Variants in ALG6 observed in about 807,000 individuals in gnomAD.
ALG6 encodes the protein dolichyl pyrophosphate Man9GlcNAc2 alpha-1,3-glucosyltransferase.
ALG6 carries 46 observed loss-of-function variants against 66.6 expected under a neutral mutation model. That is an observed-to-expected ratio of 0.69 (90% confidence interval 0.55 to 0.88). ALG6 has a LOEUF of 0.88. Ranked by LOEUF, ALG6 falls within the 40% of genes least tolerant of loss-of-function variation. ALG6 has a pLI of 0.00. For synonymous variants in ALG6, 185 were observed against 203.7 expected (o/e 0.91, Z 0.78); for missense variants, 505 against 586.8 (o/e 0.86, Z 1.44).
At chr1:63,421,966 T>C (rs1352626878) in intron 12 of ALG6, among the ~76,000 whole-genome samples, 1 of 148,792 alleles carries the variant, frequency 6.7e-6, no homozygotes, top group Non-Finnish European at 1.5e-5. Flanking sequence ...CGTGTATACC[T>C]ATGTAACAAA....
intron 2 of ALG6, among the ~76,000 whole-genome samples, chr1:63,374,576 C>T (rs1329358738): frequency 2.0e-5 from 3 of 151,636 alleles, no homozygotes; most frequent in Admixed American, 6.6e-5. Flanking sequence ...TGCAGTGAGC[C>T]GAGATCACGC....
chr1:63,402,374 A>G (rs372114298), intron 4 of ALG6, 31 bp downstream of exon 4: 88 of 1,458,356 alleles, frequency 6.0e-5, no homozygotes, highest in Non-Finnish European at 7.8e-5. Flanking sequence ...GTAACTCTAA[A>G]TTTTTATGCC....
chr1:63,390,509 G>T (rs770913319), intron 2 of ALG6, among the ~76,000 whole-genome samples: 88 of 152,104 alleles, frequency 5.8e-4, no homozygotes, highest in South Asian at 1.4e-3. Flanking sequence ...GCCTTAGCTG[G>T]TGTCTTACTA....
chr1:63,412,017 C>G lies in ALG6; in HGVS notation c.772C>G (p.Gln258Glu). 13 of 1,614,096 alleles carry G rather than the reference C, an allele frequency of 8.1e-6. No homozygotes were observed. Among genetic ancestry groups the G allele is most frequent in the Non-Finnish European group, 1.1e-5 (13 of 1,179,996 alleles). The change falls in exon 9 of 15, where the codon CAG becomes GAG. Residue 258 changes from glutamine (Q) to glutamate (E), a missense_variant. By Grantham distance (29) the Gln-to-Glu change is conservative. Coordinates refer to ENST00000263440, the MANE Select transcript of ALG6 (RefSeq NM_013339.4). ...PFFTEREQTLQVLRRLFPVDR... is the reference protein window; with the variant it reads ...PFFTEREQTLEVLRRLFPVDR... The stretch of plus-strand genomic sequence containing the variant: ...CTTTACAGAAAGGGAACAAACCCTG[C>G]AGGTTCTAAGAAGACTCTTCCCGGT...
Position 63,367,695 on chromosome 1 carries a change from C to A in ALG6, c.-208+8C>A, listed in dbSNP as rs950717650. 1.3e-5 allele frequency: 2 copies of A among 152,212 alleles called. No homozygotes were observed. Among genetic ancestry groups the A allele is most frequent in the Admixed American group, 1.3e-4 (2 of 15,286 alleles). The allele number at this position is 152,212 out of a possible 1,614,324, so 9.4% of individuals were successfully genotyped here. ...CGGCCGGCGGGCGGCGGGGTAAGAG[C>A]ATGGGATCCCGGAGGTTCCGGACCC... is the stretch of plus-strand genomic sequence containing the variant. On this transcript the variant is annotated splice_region_variant and intron_variant, in intron 1 of 14. Coordinates refer to ENST00000263440, the MANE Select transcript of ALG6 (RefSeq NM_013339.4).
intron 14 of ALG6, among the ~76,000 whole-genome samples, chr1:63,432,971 T>G (rs1644656049): frequency 6.6e-6 from 1 of 152,128 alleles, no homozygotes; most frequent in South Asian, 2.1e-4. Context: ...AGATGGAGTT[T>G]CACTCTTGTT....
At chr1:63,428,702 T>C (rs747925871) in intron 12 of ALG6, 31 bp from the exon 13 acceptor site, 53 of 1,403,558 alleles carry the variant, frequency 3.8e-5, no homozygotes, top group Non-Finnish European at 5.3e-5. Flanking sequence ...TATTCTGTAA[T>C]ATTAAAATAT....
At chr1:63,422,203 GAATATAAATATATATTTATATA>G (rs1557594860) in intron 12 of ALG6, among the ~76,000 whole-genome samples, 2 of 101,740 alleles carry the variant, frequency 2.0e-5, no homozygotes, top group Non-Finnish European at 3.8e-5. Flanking sequence ...ATATCTATAT[GAATATAAATATATATTTATATA>G]AATATAAATA....
intron 3 of ALG6, among the ~76,000 whole-genome samples, chr1:63,397,537 G>A (rs987524184): frequency 1.6e-5 from 2 of 128,630 alleles, no homozygotes; most frequent in African/African-American, 3.2e-5. Context: ...TTTGTATTAT[G>A]AAGGAGGAGG....
intron 6 of ALG6, 85 bp downstream of exon 6, chr1:63,406,484 A>T: frequency 1.7e-6 from 2 of 1,202,082 alleles, no homozygotes; most frequent in South Asian, 2.5e-5. Context: ...TAGAGAAGCC[A>T]TGCTTTTGGA....
intron 4 of ALG6, among the ~76,000 whole-genome samples, chr1:63,402,846 C>T (rs1644471745): frequency 6.6e-6 from 1 of 151,030 alleles, no homozygotes; most frequent in Admixed American, 6.6e-5. Context: ...CCTGTAATCC[C>T]AGCACTGTGG....
chr1:63,413,276 T>G (rs996337481), intron 9 of ALG6, among the ~76,000 whole-genome samples: 14 of 152,190 alleles, frequency 9.2e-5, no homozygotes, highest in Non-Finnish European at 1.5e-5. Flanking sequence ...AAAGTTTAAC[T>G]CTCTATGTAA....
At position 63,428,761 on chromosome 1, in the gene ALG6, C is replaced by G. The variant is rs952006163; in HGVS notation, c.1087C>G (p.Pro363Ala). The change falls in exon 13 of 15, where the codon CCT (proline) becomes GCT (alanine). Residue 363 changes from proline (P) to alanine (A), a missense_variant. Physicochemically the swap from Pro to Ala is conservative, Grantham distance 27. Coordinates refer to ENST00000263440, the MANE Select transcript of ALG6 (RefSeq NM_013339.4). ...AGTCTGCTTAGTTTTAAGTGAAATTCCTTTTATGTCTACTTGGTTTTTACT... is the reference window on the plus strand; with the variant it reads ...AGTCTGCTTAGTTTTAAGTGAAATTGCTTTTATGTCTACTTGGTTTTTACT... ...LPVCLVLSEIPFMSTWFLLVS... is the reference protein window; with the variant it reads ...LPVCLVLSEIAFMSTWFLLVS... 1.2e-6 allele frequency: 2 copies of G among 1,608,614 alleles called. No individual in the cohort carries two copies. Among genetic ancestry groups the G allele is most frequent in the African/African-American group, 2.7e-5 (2 of 74,752 alleles).
At chr1:63,424,305 T>C (rs1326496639) in intron 12 of ALG6, among the ~76,000 whole-genome samples, 3 of 152,144 alleles carry the variant, frequency 2.0e-5, no homozygotes, top group Non-Finnish European at 4.4e-5. Context: ...CACACCTGGC[T>C]AATTTTTGCA....
intron 2 of ALG6, among the ~76,000 whole-genome samples, chr1:63,384,928 C>G (rs1430166191): frequency 1.3e-5 from 2 of 151,910 alleles, no homozygotes; most frequent in Non-Finnish European, 2.9e-5. Flanking sequence ...CAGTTTTGTT[C>G]TTTTTGCTTA....
At chr1:63,430,097 G>A (rs1363273240) in intron 14 of ALG6, among the ~76,000 whole-genome samples, 1 of 152,118 alleles carries the variant, frequency 6.6e-6, no homozygotes, top group African/African-American at 2.4e-5. Flanking sequence ...CGGCCAAGCT[G>A]TTCTTGAACT....
At chr1:63,368,006 C>G (rs920164496) in intron 1 of ALG6, among the ~76,000 whole-genome samples, 2 of 152,116 alleles carry the variant, frequency 1.3e-5, no homozygotes, top group Non-Finnish European at 2.9e-5. Context: ...ATATACACGC[C>G]CGGGATAGCT....
intron 14 of ALG6, among the ~76,000 whole-genome samples, chr1:63,432,256 G>GTTTTT (rs1159838383): frequency 1.0e-5 from 1 of 95,266 alleles, no homozygotes; most frequent in African/African-American, 4.8e-5. Flanking sequence ...CTTTGGTCAT[G>GTTTTT]TGTGTTTTTT....
intron 12 of ALG6, among the ~76,000 whole-genome samples, chr1:63,426,245 A>G (rs1436460049): frequency 6.6e-6 from 1 of 152,026 alleles, no homozygotes; most frequent in Non-Finnish European, 1.5e-5. Flanking sequence ...TAGGGTGGAG[A>G]GAGGGAGAAC....
Sources: gnomAD v4.1 joint callset for allele counts (sites outside exome capture counted in the v4.1 genomes callset) on GRCh38, gnomAD v4.1.1 for gene constraint, MANE v1.5 for transcripts, NCBI Gene and HGNC (gene_info 2026-07-23, HGNC 2026-07-21) for gene names.